Variants in LNPK observed in about 807,000 individuals in gnomAD.
LNPK encodes lunapark, ER junction formation factor, also known as endoplasmic reticulum junction formation protein lunapark.
Under a neutral mutation model 55.2 loss-of-function variants are expected in LNPK, and 29 were observed. That is an observed-to-expected ratio of 0.53 (90% confidence interval 0.39 to 0.72). The LOEUF (loss-of-function observed/expected upper bound fraction) is 0.72, where lower values mean the gene tolerates loss of function less well. Ranked by LOEUF, LNPK falls within the 30% of genes least tolerant of loss-of-function variation. The pLI is 0.00. For synonymous variants in LNPK, 162 were observed against 168.2 expected (o/e 0.96, Z 0.29); for missense variants, 467 against 494.8 (o/e 0.94, Z 0.53).
chr2:175,986,906 A>G (rs1402652759), intron 4 of LNPK, among the ~76,000 whole-genome samples: 1 of 151,774 alleles, frequency 6.6e-6, no homozygotes, highest in East Asian at 1.9e-4. Context: ...ACAACTTAAC[A>G]TTGTCCTGAA....
At chr2:175,997,703 C>CTGTGTGTGTGTGTG (rs1491566543) in intron 1 of LNPK, among the ~76,000 whole-genome samples, 5 of 45,818 alleles carry the variant, frequency 1.1e-4, no homozygotes, top group South Asian at 1.4e-3. Flanking sequence ...AAAACAAATG[C>CTGTGTGTGTGTGTG]TCTGTGTGTG....
intron 9 of LNPK, among the ~76,000 whole-genome samples, chr2:175,946,602 T>C (rs1685133201): frequency 6.6e-6 from 1 of 152,128 alleles, no homozygotes; most frequent in Admixed American, 6.5e-5. Flanking sequence ...CTAAGTGACA[T>C]TTCCATTTTT....
intron 12 of LNPK, 52 bp downstream of exon 12, chr2:175,937,292 C>T: frequency 6.6e-7 from 1 of 1,515,112 alleles, no homozygotes; most frequent in East Asian, 2.3e-5. Flanking sequence ...GCTTTTATTA[C>T]TGTTAAATAA....
chr2:175,950,847 A>G lies in LNPK; in HGVS notation c.494-3155T>C, dbSNP rs138970977. Among the ~76,000 whole-genome samples, 9 of 152,298 alleles carry G rather than the reference A, an allele frequency of 5.9e-5. No individual in the cohort carries two copies. The East Asian group carries it at 9.7e-4, about 16-fold the overall frequency. ...TAACAGGCAATAACTATTAGCAGAA[A>G]TAGTGCATATCTAAAGGTTCCAACG... On this transcript the variant is annotated intron_variant, in intron 8 of 12. Coordinates refer to ENST00000272748, the MANE Select transcript of LNPK (RefSeq NM_030650.3).
Position 175,967,275 on chromosome 2 carries a change from TA to T in LNPK, c.358-2687del, listed in dbSNP as rs1686414037. 2.6e-5 allele frequency among the ~76,000 whole-genome samples: 4 copies of T among 152,330 alleles called. 1 individual carries two copies. In the South Asian group the frequency reaches 8.3e-4, roughly 32 times the overall value. ...GGCTTTTTTATTTTAAAAGATAGAA[TA>T]ATAAATACATGATTCTATTAAGAGT... On this transcript the variant is annotated intron_variant, in intron 6 of 12. Transcript: ENST00000272748.
At chr2:175,971,052 T>C (rs1254694564) in intron 5 of LNPK, among the ~76,000 whole-genome samples, 4 of 152,132 alleles carry the variant, frequency 2.6e-5, no homozygotes, top group African/African-American at 9.6e-5. Flanking sequence ...CCTTTCTAAA[T>C]TGAAATATAT....
At chr2:175,953,293 C>T (rs1017483834) in intron 8 of LNPK, among the ~76,000 whole-genome samples, 1 of 152,064 alleles carries the variant, frequency 6.6e-6, no homozygotes, top group African/African-American at 2.4e-5. Flanking sequence ...CACTCAATCT[C>T]ATATTCCAAT....
intron 9 of LNPK, among the ~76,000 whole-genome samples, chr2:175,945,367 T>G (rs1025173628): frequency 6.6e-6 from 1 of 151,520 alleles, no homozygotes; most frequent in Non-Finnish European, 1.5e-5. Flanking sequence ...TAGCCAGGCC[T>G]GGTGGTGCCC....
chr2:175,989,055 G>A (rs966453445), intron 4 of LNPK, among the ~76,000 whole-genome samples: 2 of 152,154 alleles, frequency 1.3e-5, no homozygotes, highest in South Asian at 2.1e-4. Flanking sequence ...GATTACAGGC[G>A]TGAGCCACCA....
At chr2:175,964,279 T>G in intron 8 of LNPK, 93 bp downstream of exon 8, 1 of 922,098 alleles carries the variant, frequency 1.1e-6, no homozygotes, top group Non-Finnish European at 1.7e-6. Flanking sequence ...GCATTCTACA[T>G]AAGTTTTTGC....
At chr2:175,975,518 A>G (rs1686870602) in intron 5 of LNPK, among the ~76,000 whole-genome samples, 1 of 152,340 alleles carries the variant, frequency 6.6e-6, no homozygotes, top group African/African-American at 2.4e-5. Context: ...ATGTTTTGAC[A>G]TAGGCATACA....
At chr2:175,930,274 A>AC (rs1338121179) in intron 12 of LNPK, 75 bp from the exon 13 acceptor site, 6 of 733,856 alleles carry the variant, frequency 8.2e-6, no homozygotes, top group Admixed American at 6.9e-5. Flanking sequence ...CAAAAAAGAT[A>AC]AACACACACA....
In LNPK at chr2:175,947,391, C is replaced by T. The variant is rs948313312; in HGVS notation, c.706+89G>A. ...TGCTCTGCTATTTCCAAATGAAATGCCATTTCCATACCACCTGAAAATGGC... is the reference window on the plus strand; with the variant it reads ...TGCTCTGCTATTTCCAAATGAAATGTCATTTCCATACCACCTGAAAATGGC... On this transcript the variant is annotated intron_variant, in intron 9 of 12. Transcript: ENST00000272748. 1.9e-5 allele frequency: 20 copies of T among 1,041,264 alleles called. No individual in the cohort carries two copies. The African/African-American group carries it at 2.8e-4, about 15-fold the overall frequency. The allele number at this position is 1,041,264 out of a possible 1,614,324, so 64.5% of individuals were successfully genotyped here. A position where few individuals can be genotyped will look rare whatever the true frequency, so the allele number is the denominator to read the frequency against.
chr2:175,979,808 ACTATTT>A lies in LNPK; in HGVS notation c.312_316+1del. On this transcript the variant is annotated splice_donor_variant and coding_sequence_variant, in exon 5 of 13. Transcript: ENST00000272748. LOFTEE classifies it high-confidence loss of function. Reference sequence around the variant, plus strand: ...TTTATTAAAAATTGGAATTAAACTTACTATTTCTTTCTGTTCTCTTGGAAAAGAAGA... The same window carrying A: ...TTTATTAAAAATTGGAATTAAACTTACTTTCTGTTCTCTTGGAAAAGAAGA... 2 of 1,559,744 alleles carry A rather than the reference ACTATTT, an allele frequency of 1.3e-6. No individual in the cohort carries two copies. Among genetic ancestry groups the A allele is most frequent in the South Asian group, 2.4e-5 (2 of 82,202 alleles).
intron 9 of LNPK, among the ~76,000 whole-genome samples, chr2:175,943,594 A>G (rs1191034930): frequency 6.6e-6 from 1 of 152,076 alleles, no homozygotes; most frequent in Non-Finnish European, 1.5e-5. Flanking sequence ...ATTCCAAGAA[A>G]GCAAGTTAGT....
intron 6 of LNPK, among the ~76,000 whole-genome samples, 174 bp from the exon 7 acceptor site, chr2:175,964,763 T>C (rs1686245783): frequency 6.6e-6 from 1 of 152,198 alleles, no homozygotes; most frequent in Non-Finnish European, 1.5e-5. Context: ...CTCTAATATG[T>C]TACTTGTACT....
chr2:175,929,685 T>G lies in LNPK; in HGVS notation c.*282A>C. 8.3e-7 allele frequency: 1 copy of G among 1,210,120 alleles called. No homozygotes were observed. Among genetic ancestry groups the G allele is most frequent in the Non-Finnish European group, 1.0e-6 (1 of 971,916 alleles). 75.0% of individuals were successfully genotyped at this position (1,210,120 alleles called of 1,614,324 possible). On this transcript the variant is annotated 3_prime_UTR_variant, in exon 13 of 13. Transcript: ENST00000272748. ...CATACAGAAAACAAGAAGGCAATCA[T>G]GTTTGCTTACTTTTAGAATGGACAA... is the stretch of plus-strand genomic sequence containing the variant.
intron 4 of LNPK, among the ~76,000 whole-genome samples, chr2:175,990,812 T>C (rs1687668283): frequency 6.6e-6 from 1 of 151,940 alleles, no homozygotes; most frequent in Non-Finnish European, 1.5e-5. Context: ...CAAATATCAA[T>C]GAGATGAAGT....
At chr2:175,937,199 G>A in intron 12 of LNPK, 145 bp downstream of exon 12, 1 of 675,664 alleles carries the variant, frequency 1.5e-6, no homozygotes, top group Non-Finnish European at 2.5e-6. Context: ...TATCACACAG[G>A]AGGCTATGGT....
Sources: gnomAD v4.1 joint callset for allele counts (sites outside exome capture counted in the v4.1 genomes callset) on GRCh38, gnomAD v4.1.1 for gene constraint, MANE v1.5 for transcripts, NCBI Gene and HGNC (gene_info 2026-07-23, HGNC 2026-07-21) for gene names.